The following KPNB1 variants were observed in gnomAD, a reference collection of about 807,000 sequenced individuals.
KPNB1 encodes importin subunit beta-1.
Under a neutral mutation model 113.0 loss-of-function variants are expected in KPNB1, and 7 were observed. The observed-to-expected ratio is 0.06, with a 90% confidence interval of 0.04 to 0.12. The LOEUF is 0.12. Among genes scored for constraint, KPNB1 ranks in the 10% least tolerant of loss-of-function variants. KPNB1 has a pLI of 1.00. For synonymous variants in KPNB1, 363 were observed against 378.6 expected (o/e 0.96, Z 0.48); for missense variants, 400 against 1,054.8 (o/e 0.38, Z 8.60).
chr17:47,680,803 GAGTC>G (rs771450370), intron 21 of KPNB1, 134 bp downstream of exon 21: 3 of 827,376 alleles, frequency 3.6e-6, no homozygotes, highest in Non-Finnish European at 5.6e-6. Context: ...AGGTGCTTCT[GAGTC>G]AGGCAGCCTC....
chr17:47,651,133 T>G, intron 2 of KPNB1: 28 of 798,570 alleles, frequency 3.5e-5, no homozygotes, highest in South Asian at 1.1e-4. Flanking sequence ...GGCTCATCTT[T>G]GAGATGGGGC....
At chr17:47,677,910 G>A (rs2030661942) in intron 17 of KPNB1, 136 bp from the exon 18 acceptor site, 2 of 838,662 alleles carry the variant, frequency 2.4e-6, no homozygotes, top group Admixed American at 5.3e-5. Context: ...AGGTGCAAAT[G>A]GGAAAGGTTT....
rs1238635291 is a variant in KPNB1 at position 47,681,532 on chromosome 17, A to G, written c.2630+863A>G. 2.0e-5 allele frequency among the ~76,000 whole-genome samples: 3 copies of G among 151,558 alleles called. No homozygotes were observed. In the East Asian group the frequency reaches 5.8e-4, roughly 30 times the overall value. On this transcript the variant is annotated intron_variant, in intron 21 of 21. Transcript: ENST00000290158. ...CGTGATCCACCCACCTCGGCCTCCC[A>G]AAGTACTGGGATTACAGGCGTAAGC...
Position 47,684,365 on chromosome 17 carries a change from A to G in KPNB1, c.*1961A>G, listed in dbSNP as rs1310268828. 6.6e-6 allele frequency: 1 copy of G among 151,878 alleles called. No individual in the cohort carries two copies. The highest frequency in any genetic ancestry group is 1.9e-4 in the East Asian group (1 of 5,188). The allele number at this position is 151,878 out of a possible 1,614,324, so 9.4% of individuals were successfully genotyped here. ...CCAGTGTACAAAAAAAAAAAAATCC[A>G]GGTATTTGAAGGAGAGACGCTCCAT... On this transcript the variant is annotated 3_prime_UTR_variant, in exon 22 of 22. Transcript: ENST00000290158.
chr17:47,681,332 G>T (rs552706247), intron 21 of KPNB1, among the ~76,000 whole-genome samples: 1 of 147,288 alleles, frequency 6.8e-6, no homozygotes, highest in Non-Finnish European at 1.5e-5. Flanking sequence ...GCAGTGGTGC[G>T]ATCTCAGCTT....
At position 47,677,695 on chromosome 17, in the gene KPNB1, T is replaced by A. The variant is rs77741979; in HGVS notation, c.2104-351T>A. ...TTCCTTGACTTATGATGGAGTTAGGTCCCAATAAACACATTGTAAAGTGGA... is the reference window on the plus strand; with the variant it reads ...TTCCTTGACTTATGATGGAGTTAGGACCCAATAAACACATTGTAAAGTGGA... On this transcript the variant is annotated intron_variant, in intron 17 of 21. Transcript: ENST00000290158. Among the ~76,000 whole-genome samples, 186 of 152,248 alleles carry A rather than the reference T, an allele frequency of 1.2e-3. 4 individuals are homozygous for A. In the East Asian group the frequency reaches 0.029, roughly 24 times the overall value.
At chr17:47,652,183 T>C (rs1299432613) in intron 2 of KPNB1, among the ~76,000 whole-genome samples, 1 of 152,214 alleles carries the variant, frequency 6.6e-6, no homozygotes, top group Non-Finnish European at 1.5e-5. Context: ...ATTGAAAAGC[T>C]ACCCTGCTGC....
chr17:47,675,226 A>G (rs985081242), intron 15 of KPNB1, among the ~76,000 whole-genome samples: 4 of 152,114 alleles, frequency 2.6e-5, no homozygotes, highest in African/African-American at 9.7e-5. Context: ...TATAGAAAGC[A>G]TAGTCCTTTT....
intron 10 of KPNB1, among the ~76,000 whole-genome samples, chr17:47,668,907 T>C (rs2030367283): frequency 6.6e-6 from 1 of 152,080 alleles, no homozygotes. Flanking sequence ...TGTGCTTGTT[T>C]TGCTATTACA....
rs201945699 is a variant in KPNB1 at position 47,677,176 on chromosome 17, A to G, written c.2103+49A>G. On this transcript the variant is annotated intron_variant, in intron 17 of 21. Coordinates refer to ENST00000290158, the MANE Select transcript of KPNB1 (RefSeq NM_002265.6). ...TTAACCAGTCTTCTTTGAAGAAAAC[A>G]ACAGTTGGAAAGATAGTTAAATATC... is the stretch of plus-strand genomic sequence containing the variant. 1.4e-4 allele frequency: 187 copies of G among 1,355,018 alleles called. 1 individual carries two copies. In the African/African-American group the frequency reaches 2.8e-3, roughly 21 times the overall value. The allele number at this position is 1,355,018 out of a possible 1,614,324, so 83.9% of individuals were successfully genotyped here.
chr17:47,663,175 T>C lies in KPNB1; in HGVS notation c.783T>C (p.Phe261=). 1.4e-6 allele frequency: 2 copies of C among 1,447,362 alleles called. No homozygotes were observed. Among genetic ancestry groups the C allele is most frequent in the Non-Finnish European group, 1.9e-6 (2 of 1,028,156 alleles). The allele number at this position is 1,447,362 out of a possible 1,614,324, so 89.7% of individuals were successfully genotyped here. Residue 261 remains phenylalanine (F), a synonymous_variant, in exon 7 of 22, where the codon TTT becomes TTC. Coordinates refer to ENST00000290158, the MANE Select transcript of KPNB1 (RefSeq NM_002265.6). ...YMETYMGPAL[F]AITIEAMKSD... is the part of the protein sequence containing the mutation. ...AGACATATATGGGTCCTGCTCTTTT[T>C]GCAGTAAGTATTTCTATTTATGTGA...
In KPNB1 at chr17:47,684,678, TGTGTTTTGTC is replaced by T. The variant is rs1384396816; in HGVS notation, c.*2275_*2284del. 6.6e-6 allele frequency: 1 copy of T among 150,842 alleles called. No individual in the cohort carries two copies. The highest frequency in any genetic ancestry group is 1.5e-5 in the Non-Finnish European group (1 of 67,658). 9.3% of individuals were successfully genotyped at this position (150,842 alleles called of 1,614,324 possible). On this transcript the variant is annotated 3_prime_UTR_variant, in exon 22 of 22. Coordinates refer to ENST00000290158, the MANE Select transcript of KPNB1 (RefSeq NM_002265.6). ...AGAACCATAATGAAAAAACCTTCCGTGTGTTTTGTCATGTTTTGTTCCAGGGAAGCAGTTG... is the reference window on the plus strand; with the variant it reads ...AGAACCATAATGAAAAAACCTTCCGTATGTTTTGTTCCAGGGAAGCAGTTG...
chr17:47,650,107 A>T lies in KPNB1; in HGVS notation c.-138A>T. 7.3e-7 allele frequency: 1 copy of T among 1,369,202 alleles called. No homozygotes were observed. The highest frequency in any genetic ancestry group is 9.4e-7 in the Non-Finnish European group (1 of 1,062,272). The allele number at this position is 1,369,202 out of a possible 1,614,324, so 84.8% of individuals were successfully genotyped here. On this transcript the variant is annotated 5_prime_UTR_variant, in exon 1 of 22. It removes an upstream start codon present in the reference 5' UTR. Coordinates refer to ENST00000290158, the MANE Select transcript of KPNB1 (RefSeq NM_002265.6). ...CCGACTACCCAGACAGAGCCGGTGA[A>T]TGGGTTTGTGGTGACCCCCGCCCCC...
rs16958421 is a variant in KPNB1 at position 47,684,753 on chromosome 17, G to T, written c.*2349G>T. The T allele has an allele frequency of 0.049, 7,480 of 152,826 alleles. 311 individuals carry two copies. Among genetic ancestry groups the T allele is most frequent in the East Asian group, 0.11 (569 of 5,190 alleles). 9.5% of individuals were successfully genotyped at this position (152,826 alleles called of 1,614,324 possible). The stretch of plus-strand genomic sequence containing the variant: ...TAATGCTTTCTCCCAGATCCATTCA[G>T]TGGTGGAGAGGAGGAAAATGGGCTG... On this transcript the variant is annotated 3_prime_UTR_variant, in exon 22 of 22. Coordinates refer to ENST00000290158, the MANE Select transcript of KPNB1 (RefSeq NM_002265.6).
rs575196744 is a variant in KPNB1, at chr17:47,652,302, C to T, written c.100-392C>T. Among the ~76,000 whole-genome samples, 192 of 152,284 alleles carry T rather than the reference C, an allele frequency of 1.3e-3. 1 individual carries two copies. The highest frequency in any genetic ancestry group is 4.1e-3 in the African/African-American group (172 of 41,568). ...TCATAACAGCCATTCATTTAACAAACATTGAGTACCAGACATTATTAAAAG... is the reference window on the plus strand; with the variant it reads ...TCATAACAGCCATTCATTTAACAAATATTGAGTACCAGACATTATTAAAAG... On this transcript the variant is annotated intron_variant, in intron 2 of 21. Transcript: ENST00000290158.
chr17:47,679,445 C>T lies in KPNB1; in HGVS notation c.2354-575C>T, dbSNP rs1249792492. Among the ~76,000 whole-genome samples, 8 of 152,106 alleles carry T rather than the reference C, an allele frequency of 5.3e-5. No individual in the cohort carries two copies. The East Asian group carries it at 9.6e-4, about 18-fold the overall frequency. ...TTGGGGAAATTTTTTACTTCACCCC[C>T]CTTGGTATCATTAGCTCAGGAAAAA... On this transcript the variant is annotated intron_variant, in intron 19 of 21. Coordinates refer to ENST00000290158, the MANE Select transcript of KPNB1 (RefSeq NM_002265.6).
chr17:47,674,652 A>G lies in KPNB1; in HGVS notation c.1782A>G (p.Lys594=). 1 of 1,613,326 alleles carries G rather than the reference A, an allele frequency of 6.2e-7. No individual in the cohort carries two copies. The stretch of plus-strand genomic sequence containing the variant: ...TCATTTCACAGAATGTTCTTCGGAA[A>G]GTGCAACATCAAGATGCTTTGCAGA... The part of the protein sequence containing the change: ...LCATLQNVLR[K]VQHQDALQIS... Residue 594 remains lysine, a synonymous_variant, in exon 15 of 22, where the codon AAA becomes AAG. Transcript: ENST00000290158.
chr17:47,669,381 C>G (rs1025587777), intron 10 of KPNB1, among the ~76,000 whole-genome samples: 2 of 152,178 alleles, frequency 1.3e-5, no homozygotes, highest in Non-Finnish European at 2.9e-5. Context: ...CTCAGCCTCC[C>G]AGAGTGCTGG....
chr17:47,650,182 AGCCGCCGCCCGAAAGGCCGG>A lies in KPNB1; in HGVS notation c.-58_-39del. ...ACCCCCAACCCCCATCCCCAGTTCG[AGCCGCCGCCCGAAAGGCCGG>A]GCCGTCGTCTTAGGAGGAGTCGCCG... On this transcript the variant is annotated 5_prime_UTR_variant, in exon 1 of 22. Coordinates refer to ENST00000290158, the MANE Select transcript of KPNB1 (RefSeq NM_002265.6). 1 of 1,187,600 alleles carries A rather than the reference AGCCGCCGCCCGAAAGGCCGG, an allele frequency of 8.4e-7. No homozygotes were observed. The highest frequency in any genetic ancestry group is 1.1e-6 in the Non-Finnish European group (1 of 949,022). 73.6% of individuals were successfully genotyped at this position (1,187,600 alleles called of 1,614,324 possible).
Sources: allele counts gnomAD v4.1 joint callset (sites outside exome capture counted in the v4.1 genomes callset), GRCh38; gene constraint gnomAD v4.1.1; transcripts MANE v1.5; gene names NCBI Gene and HGNC (gene_info 2026-07-23, HGNC 2026-07-21).